SDHAF3: variants seen among roughly 807,000 people sequenced by gnomAD.
The protein encoded by SDHAF3 is succinate dehydrogenase assembly factor 3, mitochondrial.
SDHAF3 carries 18 observed loss-of-function variants against 11.5 expected under a neutral mutation model. That is an observed-to-expected ratio of 1.56 (90% confidence interval 1.08 to 2.32). The LOEUF (loss-of-function observed/expected upper bound fraction) is 2.32, where lower values mean the gene tolerates loss of function less well. Ranked by LOEUF, SDHAF3 falls within the 30% of genes most tolerant of loss-of-function variation. SDHAF3 has a pLI of 0.00. For missense variants in SDHAF3, 200 were observed against 154.4 expected, an observed-to-expected ratio of 1.30 and a Z score of -1.57; for synonymous variants, 72 against 59.3, an observed-to-expected ratio of 1.21 and a Z score of -0.99.
At chr7:97,150,478 C>G (rs1392290725) in intron 1 of SDHAF3, among the ~76,000 whole-genome samples, 1 of 151,844 alleles carries the variant, frequency 6.6e-6, no homozygotes, top group African/African-American at 2.4e-5. Context: ...CATTATTAAT[C>G]TCCTTGTATA....
At chr7:97,149,729 C>A (rs143887527) in intron 1 of SDHAF3, among the ~76,000 whole-genome samples, 5 of 152,280 alleles carry the variant, frequency 3.3e-5, no homozygotes, top group Non-Finnish European at 7.4e-5. Context: ...ATGTTGACGG[C>A]TGCTGAATGA....
intron 1 of SDHAF3, among the ~76,000 whole-genome samples, chr7:97,134,459 G>A (rs947396226): frequency 6.6e-6 from 1 of 152,102 alleles, no homozygotes; most frequent in Non-Finnish European, 1.5e-5. Flanking sequence ...AAGAACTTTC[G>A]TTTTTGAGAC....
intron 1 of SDHAF3, among the ~76,000 whole-genome samples, chr7:97,168,272 ATAT>A (rs1222110583): frequency 6.6e-6 from 1 of 152,152 alleles, no homozygotes; most frequent in Non-Finnish European, 1.5e-5. Flanking sequence ...CACAACAGTG[ATAT>A]TATCCCCAGG....
At chr7:97,128,134 G>A (rs1410055835) in intron 1 of SDHAF3, among the ~76,000 whole-genome samples, 2 of 152,088 alleles carry the variant, frequency 1.3e-5, no homozygotes, top group Non-Finnish European at 1.5e-5. Flanking sequence ...CTGACACCAA[G>A]TGATCCACTT....
At chr7:97,160,818 A>G (rs138967792) in intron 1 of SDHAF3, among the ~76,000 whole-genome samples, 209 of 152,344 alleles carry the variant, frequency 1.4e-3, no homozygotes, top group African/African-American at 4.8e-3. Flanking sequence ...TTTGGAGAAC[A>G]GTCAGTGTAG....
chr7:97,141,096 C>T (rs2115665507), intron 1 of SDHAF3, among the ~76,000 whole-genome samples: 1 of 152,266 alleles, frequency 6.6e-6, no homozygotes, highest in African/African-American at 2.4e-5. Flanking sequence ...GAAATAAGCC[C>T]CGGTCTCCCA....
intron 1 of SDHAF3, among the ~76,000 whole-genome samples, chr7:97,134,315 T>C (rs1201073563): frequency 2.6e-5 from 4 of 152,224 alleles, no homozygotes; most frequent in Non-Finnish European, 5.9e-5. Flanking sequence ...ATTTATTTTA[T>C]AAGCTATAGA....
intron 1 of SDHAF3, among the ~76,000 whole-genome samples, chr7:97,139,297 A>G (rs1788990724): frequency 6.6e-6 from 1 of 152,184 alleles, no homozygotes; most frequent in African/African-American, 2.4e-5. Flanking sequence ...CCCCACCTGA[A>G]GGTGGGTAGT....
intron 1 of SDHAF3, among the ~76,000 whole-genome samples, chr7:97,118,628 C>T (rs1348374342): frequency 2.0e-5 from 3 of 151,160 alleles, no homozygotes; most frequent in Non-Finnish European, 4.4e-5. Context: ...AGGATTGCCC[C>T]TAGTTTTCAT....
chr7:97,118,592 G>A (rs1291507997), intron 1 of SDHAF3, among the ~76,000 whole-genome samples: 1 of 149,672 alleles, frequency 6.7e-6, no homozygotes, highest in Non-Finnish European at 1.5e-5. Context: ...GATATTCAGA[G>A]TATTTCGTGG....
intron 1 of SDHAF3, chr7:97,136,342 C>A: frequency 1.9e-6 from 1 of 529,698 alleles, no homozygotes; most frequent in Admixed American, 3.0e-5. Context: ...TAATTTGTTT[C>A]TTTGTGTAAA....
intron 1 of SDHAF3, among the ~76,000 whole-genome samples, chr7:97,174,847 T>C (rs1053562432): frequency 2.0e-5 from 3 of 152,232 alleles, no homozygotes; most frequent in African/African-American, 7.2e-5. Context: ...CACTGTAAAG[T>C]TGCTATTTTT....
chr7:97,177,894 G>A lies in SDHAF3; in HGVS notation c.175-3118G>A, dbSNP rs575387991. The stretch of plus-strand genomic sequence containing the variant: ...AAAATCTATCTCTGCTTATTCTAAT[G>A]TCTGAATAATCTCAGGCACTGGTCT... On this transcript the variant is annotated intron_variant, in intron 1 of 1. Coordinates refer to ENST00000432641, the MANE Select transcript of SDHAF3 (RefSeq NM_020186.3). Among the ~76,000 whole-genome samples the A allele has an allele frequency of 2.0e-4, 31 of 152,204 alleles. No individual in the cohort carries two copies. The East Asian group carries it at 4.1e-3, about 20-fold the overall frequency.
At chr7:97,167,630 A>G (rs570689688) in intron 1 of SDHAF3, among the ~76,000 whole-genome samples, 2 of 152,262 alleles carry the variant, frequency 1.3e-5, no homozygotes, top group East Asian at 3.9e-4. Flanking sequence ...AGCATTTGGG[A>G]TCAGGGTTTT....
At chr7:97,174,139 G>A (rs1032160890) in intron 1 of SDHAF3, among the ~76,000 whole-genome samples, 11 of 151,472 alleles carry the variant, frequency 7.3e-5, no homozygotes, top group Admixed American at 3.3e-4. Context: ...GGCTGGTCTC[G>A]AACTCCTGAC....
At chr7:97,170,114 G>C (rs534877005) in intron 1 of SDHAF3, among the ~76,000 whole-genome samples, 4 of 149,588 alleles carry the variant, frequency 2.7e-5, no homozygotes, top group African/African-American at 9.8e-5. Context: ...TTTTTTTAAC[G>C]TAACAGCTTT....
chr7:97,170,114 G>A (rs534877005), intron 1 of SDHAF3, among the ~76,000 whole-genome samples: 96 of 149,700 alleles, frequency 6.4e-4, no homozygotes, highest in African/African-American at 2.1e-3. Context: ...TTTTTTTAAC[G>A]TAACAGCTTT....
chr7:97,138,583 A>G (rs908285879), intron 1 of SDHAF3, among the ~76,000 whole-genome samples: 3 of 150,120 alleles, frequency 2.0e-5, no homozygotes, highest in African/African-American at 7.3e-5. Context: ...TCTGACGTTG[A>G]TTAACATCTA....
chr7:97,130,107 A>G (rs914003695), intron 1 of SDHAF3, among the ~76,000 whole-genome samples: 3 of 152,090 alleles, frequency 2.0e-5, no homozygotes, highest in East Asian at 1.9e-4. Flanking sequence ...TCTCGTCTCT[A>G]TTAAAAATAT....
Sources: allele counts gnomAD v4.1 joint callset (sites outside exome capture counted in the v4.1 genomes callset), GRCh38; gene constraint gnomAD v4.1.1; transcripts MANE v1.5; gene names NCBI Gene and HGNC (gene_info 2026-07-23, HGNC 2026-07-21).